The following STIM2 variants were observed in gnomAD, a reference collection of about 807,000 sequenced individuals.
STIM2 encodes stromal interaction molecule 2.
In STIM2, 31 loss-of-function variants were observed where a neutral mutation model predicts 85.8. The ratio of observed to expected loss-of-function variants is 0.36; its 90% CI spans 0.27 to 0.49. The LOEUF is 0.49. Ranked by LOEUF, STIM2 falls within the 20% of genes least tolerant of loss-of-function variation. STIM2 has a pLI of 0.98. For synonymous variants in STIM2, 356 were observed against 331.1 expected (o/e 1.08, Z -0.82); for missense variants, 841 against 927.6 (o/e 0.91, Z 1.21).
intron 1 of STIM2, among the ~76,000 whole-genome samples, chr4:26,880,403 A>G (rs1263849723): frequency 2.0e-5 from 3 of 151,808 alleles, no homozygotes; most frequent in East Asian, 3.9e-4. Context: ...AATTTCCTTT[A>G]TAATACTTAC....
At chr4:26,862,076 C>A (rs748068816) in intron 1 of STIM2, among the ~76,000 whole-genome samples, 10 of 151,952 alleles carry the variant, frequency 6.6e-5, no homozygotes, top group Non-Finnish European at 1.2e-4. Context: ...GTGCAGCATA[C>A]TCGGGGCTTG....
At chr4:26,906,198 T>C (rs1724118810) in intron 1 of STIM2, among the ~76,000 whole-genome samples, 2 of 152,174 alleles carry the variant, frequency 1.3e-5, no homozygotes, top group African/African-American at 4.8e-5. Context: ...TACTGTATGT[T>C]CTCACTTATA....
chr4:26,976,371 A>C (rs1035393129), intron 3 of STIM2, among the ~76,000 whole-genome samples: 5 of 143,278 alleles, frequency 3.5e-5, no homozygotes, highest in African/African-American at 1.0e-4. Flanking sequence ...CTATTCGGCC[A>C]TCTTGGGAGT....
At chr4:26,895,662 A>G (rs897315275) in intron 1 of STIM2, among the ~76,000 whole-genome samples, 6 of 152,208 alleles carry the variant, frequency 3.9e-5, no homozygotes, top group African/African-American at 1.4e-4. Context: ...TTATGAGAGC[A>G]AACTAGAGTT....
chr4:26,861,281 C>T lies in STIM2; in HGVS notation c.63C>T (p.His21=), dbSNP rs777492101. ...ACGGATGCGAGCTTGTGCCCCGGCACCTCCGCGGGCGGCGGGCGACTGGCT... is the reference window on the plus strand; with the variant it reads ...ACGGATGCGAGCTTGTGCCCCGGCATCTCCGCGGGCGGCGGGCGACTGGCT... The change falls in exon 1 of 12, where the codon CAC becomes CAT. Residue 21 remains histidine, a synonymous_variant. Coordinates refer to ENST00000467087, the MANE Select transcript of STIM2 (RefSeq NM_020860.4). 6 of 1,459,432 alleles carry T rather than the reference C, an allele frequency of 4.1e-6. No homozygotes were observed. Among genetic ancestry groups the T allele is most frequent in the Non-Finnish European group, 5.4e-6 (6 of 1,110,356 alleles). 90.4% of individuals were successfully genotyped at this position (1,459,432 alleles called of 1,614,324 possible).
intron 2 of STIM2, among the ~76,000 whole-genome samples, chr4:26,952,798 C>CA (rs1726106736): frequency 6.6e-6 from 1 of 152,108 alleles, no homozygotes; most frequent in Non-Finnish European, 1.5e-5. Context: ...TCCAGGTGAG[C>CA]ATGGTGGTGA....
chr4:26,986,632 T>C (rs1350136797), intron 3 of STIM2, among the ~76,000 whole-genome samples: 1 of 152,212 alleles, frequency 6.6e-6, no homozygotes, highest in Non-Finnish European at 1.5e-5. Flanking sequence ...ACAAATTCTC[T>C]TCCGATACCA....
intron 2 of STIM2, among the ~76,000 whole-genome samples, chr4:26,946,662 T>C (rs532652537): frequency 4.6e-5 from 7 of 152,368 alleles, no homozygotes; most frequent in South Asian, 2.1e-4. Flanking sequence ...CATATCCCTT[T>C]CCTTTTGCTT....
chr4:26,889,381 C>T (rs1186565854), intron 1 of STIM2, among the ~76,000 whole-genome samples: 2 of 152,182 alleles, frequency 1.3e-5, no homozygotes, highest in Non-Finnish European at 2.9e-5. Flanking sequence ...TCCACTGTTA[C>T]ACTTCATGTG....
intron 1 of STIM2, among the ~76,000 whole-genome samples, chr4:26,908,263 C>A (rs1375185067): frequency 6.6e-6 from 1 of 152,082 alleles, no homozygotes; most frequent in Non-Finnish European, 1.5e-5. Flanking sequence ...AACTAGAAAA[C>A]CTTTTTCTTG....
chr4:26,963,172 A>G (rs1471355678), intron 3 of STIM2, among the ~76,000 whole-genome samples: 3 of 152,178 alleles, frequency 2.0e-5, no homozygotes, highest in Non-Finnish European at 2.9e-5. Context: ...CAGCGAAAAT[A>G]TAAGTATTTT....
At chr4:27,018,212 A>G (rs1374366726) in intron 11 of STIM2, among the ~76,000 whole-genome samples, 1 of 152,102 alleles carries the variant, frequency 6.6e-6, no homozygotes, top group African/African-American at 2.4e-5. Context: ...CAAGGCTAAA[A>G]TCATGGTGTT....
At chr4:26,946,263 C>A (rs1331008098) in intron 2 of STIM2, among the ~76,000 whole-genome samples, 1 of 152,088 alleles carries the variant, frequency 6.6e-6, no homozygotes, top group Admixed American at 6.6e-5. Flanking sequence ...TGACCTTTCA[C>A]CTTATATCAA....
intron 1 of STIM2, among the ~76,000 whole-genome samples, chr4:26,884,398 T>C (rs1723134368): frequency 6.6e-6 from 1 of 152,224 alleles, no homozygotes. Flanking sequence ...TAGCTGTTAC[T>C]GTATTTTAAA....
intron 2 of STIM2, among the ~76,000 whole-genome samples, chr4:26,920,465 G>A (rs892296490): frequency 1.3e-5 from 2 of 152,058 alleles, no homozygotes; most frequent in African/African-American, 4.8e-5. Flanking sequence ...TTTGAGTGTT[G>A]TCTCATTCTA....
In STIM2 at chr4:27,010,497, A is replaced by T. The variant is rs573482623; in HGVS notation, c.1489+1495A>T. ...TCAGATTTATTATCTCTAAAAAATA[A>T]CTCATGTCAAAGATTACAATTTGAG... On this transcript the variant is annotated intron_variant, in intron 10 of 11. Coordinates refer to ENST00000467087, the MANE Select transcript of STIM2 (RefSeq NM_020860.4). 9.9e-5 allele frequency among the ~76,000 whole-genome samples: 15 copies of T among 152,260 alleles called. No homozygotes were observed. In the South Asian group the frequency reaches 3.1e-3, roughly 32 times the overall value.
intron 1 of STIM2, among the ~76,000 whole-genome samples, chr4:26,886,575 G>A (rs1407708244): frequency 1.3e-5 from 2 of 152,176 alleles, no homozygotes; most frequent in Admixed American, 6.5e-5. Flanking sequence ...AATGGCATGT[G>A]CATGGGCCCT....
At chr4:26,968,759 T>G (rs544931653) in intron 3 of STIM2, among the ~76,000 whole-genome samples, 38 of 152,242 alleles carry the variant, frequency 2.5e-4, no homozygotes, top group Non-Finnish European at 4.9e-4. Flanking sequence ...TGACCTCCTA[T>G]TTAAGGAATA....
chr4:27,011,617 G>A (rs1430531455), intron 10 of STIM2, among the ~76,000 whole-genome samples: 1 of 152,066 alleles, frequency 6.6e-6, no homozygotes, highest in Admixed American at 6.5e-5. Context: ...ATCAGTACTT[G>A]GAATAACCTG....
Sources: gnomAD v4.1 joint callset for allele counts (sites outside exome capture counted in the v4.1 genomes callset) on GRCh38, gnomAD v4.1.1 for gene constraint, MANE v1.5 for transcripts, NCBI Gene and HGNC (gene_info 2026-07-23, HGNC 2026-07-21) for gene names.